Variants in MYO1F observed in about 807,000 individuals in gnomAD.
The protein encoded by MYO1F is unconventional myosin-If.
Under a neutral mutation model 146.6 loss-of-function variants are expected in MYO1F, and 60 were observed. That is an observed-to-expected ratio of 0.41 (90% CI 0.33 to 0.51). MYO1F has a LOEUF of 0.51. MYO1F is among the 20% of genes least tolerant of loss of function. The pLI, the probability that MYO1F is intolerant of heterozygous loss-of-function variation, is 0.25. For missense variants in MYO1F, 1,274 were observed against 1,534.3 expected, an observed-to-expected ratio of 0.83 and a Z score of 2.83; for synonymous variants, 602 against 602.1, an observed-to-expected ratio of 1.00 and a Z score of 0.00.
At chr19:8,561,380 T>TC (rs1568368632) in intron 1 of MYO1F, among the ~76,000 whole-genome samples, 1 of 70,396 alleles carries the variant, frequency 1.4e-5, no homozygotes, top group African/African-American at 5.5e-5. Context: ...CTCCCTCCCT[T>TC]CCCCCCTTCT....
chr19:8,524,317 G>A (rs1191579468), intron 25 of MYO1F, among the ~76,000 whole-genome samples: 1 of 150,660 alleles, frequency 6.6e-6, no homozygotes, highest in Non-Finnish European at 1.5e-5. Context: ...TGGGGAGGCT[G>A]AGGCAGGAGA....
intron 14 of MYO1F, chr19:8,544,024 C>CGGTGGT: frequency 3.5e-6 from 1 of 285,032 alleles, no homozygotes; most frequent in Non-Finnish European, 6.0e-6. Context: ...GTGGCGGTGG[C>CGGTGGT]GGTGGCGGTG....
intron 4 of MYO1F, among the ~76,000 whole-genome samples, chr19:8,554,039 G>A (rs1973739838): frequency 1.3e-5 from 2 of 151,834 alleles, no homozygotes; most frequent in South Asian, 2.1e-4. Flanking sequence ...ACCTGTTCCT[G>A]CCTGGAACTC....
Position 8,553,894 on chromosome 19 carries a change from A to ACACACACACTCT in MYO1F, c.327-458_327-457insAGAGTGTGTGTG. Among the ~76,000 whole-genome samples, 196 of 102,662 alleles carry ACACACACACTCT rather than the reference A, an allele frequency of 1.9e-3. 1 individual carries two copies. Among genetic ancestry groups the ACACACACACTCT allele is most frequent in the Middle Eastern group, 9.3e-3 (2 of 214 alleles). The allele number at this position is 102,662 out of a possible 152,430, so 67.4% of individuals were successfully genotyped here. On this transcript the variant is annotated intron_variant, in intron 4 of 27. Coordinates refer to ENST00000644032, the MANE Select transcript of MYO1F (RefSeq NM_012335.4). ...CACACACACACACACACACACACAC[A>ACACACACACTCT]CTCTCTCTCTCTCTCTCTCTCTCTC...
chr19:8,559,909 C>A (rs1330879584), intron 1 of MYO1F, among the ~76,000 whole-genome samples: 5 of 143,510 alleles, frequency 3.5e-5, no homozygotes, highest in African/African-American at 1.3e-4. Flanking sequence ...CAGATTGTGC[C>A]ATTGCACTCC....
chr19:8,549,940 A>T, intron 10 of MYO1F: 7 of 617,880 alleles, frequency 1.1e-5, no homozygotes, highest in East Asian at 5.6e-5. Flanking sequence ...AGCCAGAACT[A>T]CACATGCACA....
Position 8,577,430 on chromosome 19 carries a change from C to A in MYO1F, c.-121G>T. 8.6e-7 allele frequency: 1 copy of A among 1,162,824 alleles called. No individual in the cohort carries two copies. The highest frequency in any genetic ancestry group is 1.3e-5 in the South Asian group (1 of 78,838). The allele number at this position is 1,162,824 out of a possible 1,614,324, so 72.0% of individuals were successfully genotyped here. On this transcript the variant is annotated 5_prime_UTR_variant, in exon 1 of 28. Coordinates refer to ENST00000644032, the MANE Select transcript of MYO1F (RefSeq NM_012335.4). This position sits in a 1 kb window ranked among gnomAD's most constrained non-coding sequence, Gnocchi z 4.3. ...CCTGCTTCTGCCCGTTCACCGGACTCCCGGCTTTAGTTCCTCTTACAACAG... is the reference window on the plus strand; with the variant it reads ...CCTGCTTCTGCCCGTTCACCGGACTACCGGCTTTAGTTCCTCTTACAACAG...
chr19:8,543,674 G>A (rs1338202884), intron 14 of MYO1F, among the ~76,000 whole-genome samples: 1 of 60,846 alleles, frequency 1.6e-5, no homozygotes, highest in African/African-American at 6.3e-5. Context: ...TGGTGGTGGT[G>A]CTGGTGGTGG....
At chr19:8,542,582 CGTTTTT>C (rs1207969242) in intron 14 of MYO1F, among the ~76,000 whole-genome samples, 3 of 150,564 alleles carry the variant, frequency 2.0e-5, no homozygotes, top group Admixed American at 6.6e-5. Flanking sequence ...GAGCTCCAGC[CGTTTTT>C]GTTTTTGTTT....
At chr19:8,553,890 A>ACTCTCTCTCTCTCTCTCTCTCT (rs750034709) in intron 4 of MYO1F, among the ~76,000 whole-genome samples, 2 of 57,826 alleles carry the variant, frequency 3.5e-5, no homozygotes, top group African/African-American at 5.1e-5. Context: ...ACACACACAC[A>ACTCTCTCTCTCTCTCTCTCTCT]CACACTCTCT....
At chr19:8,555,900 A>G (rs948403551) in intron 1 of MYO1F, 104 bp from the exon 2 acceptor site, 1 of 1,144,356 alleles carries the variant, frequency 8.7e-7, no homozygotes, top group Non-Finnish European at 1.2e-6. Context: ...CCCCCGCCCC[A>G]CCTCCATTCC....
chr19:8,527,292 G>T, intron 22 of MYO1F, 46 bp downstream of exon 22: 2 of 1,613,150 alleles, frequency 1.2e-6, no homozygotes, highest in Middle Eastern at 1.7e-4. Context: ...GGGCAGCCAG[G>T]GGACAGGTGA....
chr19:8,527,366 T>G lies in MYO1F; in HGVS notation c.2446A>C (p.Ile816Leu). 3.1e-6 allele frequency: 5 copies of G among 1,614,090 alleles called. No homozygotes were observed. The African/African-American group carries it at 4.0e-5, about 13-fold the overall frequency. ...VCEVLKKKVDIQALRGVSLST... is the reference protein window; with the variant it reads ...VCEVLKKKVDLQALRGVSLST... ...AGGGAGACTCCCCGCAGAGCCTGGA[T>G]GTCCACTTTCTTCTTCAAGACTTCA... The change falls in exon 22 of 28, where the codon ATC (isoleucine) becomes CTC (leucine). Residue 816 changes from isoleucine (I) to leucine (L), a missense_variant. This residue lies in a region of MYO1F where 900 missense variants were observed against 1,155.1 expected (regional missense o/e 0.78). Coordinates refer to ENST00000644032, the MANE Select transcript of MYO1F (RefSeq NM_012335.4).
rs934311439 is a variant in MYO1F, at chr19:8,577,255, G to T, written c.3+52C>A. 3.7e-6 allele frequency: 6 copies of T among 1,605,728 alleles called. No individual in the cohort carries two copies. The highest frequency in any genetic ancestry group is 1.7e-4 in the Middle Eastern group (1 of 6,056). On this transcript the variant is annotated intron_variant, in intron 1 of 27. Coordinates refer to ENST00000644032, the MANE Select transcript of MYO1F (RefSeq NM_012335.4). This position sits in a 1 kb window ranked among gnomAD's most constrained non-coding sequence, Gnocchi z 4.3. The stretch of plus-strand genomic sequence containing the variant: ...GGTCATTTTTAGGACACCTCCACCT[G>T]GCTGGTGTCCCTCCTCTTTCTTCTT...
chr19:8,555,936 G>A, intron 1 of MYO1F, 140 bp from the exon 2 acceptor site: 2 of 925,188 alleles, frequency 2.2e-6, no homozygotes, highest in South Asian at 1.7e-5. Flanking sequence ...AGGAGAGGCT[G>A]GCAGGGTCCA....
chr19:8,543,744 CTGGTGG>C lies in MYO1F; in HGVS notation c.1524+547_1524+552del, dbSNP rs1282435228. 1.2e-3 allele frequency among the ~76,000 whole-genome samples: 12 copies of C among 9,830 alleles called. 1 individual carries two copies. In the South Asian group the frequency reaches 0.016, roughly 13 times the overall value. 6.4% of individuals were successfully genotyped at this position (9,830 alleles called of 152,430 possible). A position where few individuals can be genotyped will look rare whatever the true frequency, so the allele number is the denominator to read the frequency against. On this transcript the variant is annotated intron_variant, in intron 14 of 27. Coordinates refer to ENST00000644032, the MANE Select transcript of MYO1F (RefSeq NM_012335.4). Reference sequence around the variant, plus strand: ...GGTGGTGCTGGTGGTGCTGGTGGTGCTGGTGGTGGTGGTGGTGGTGGTGCTGGTGGT... The same window carrying C: ...GGTGGTGCTGGTGGTGCTGGTGGTGCTGGTGGTGGTGGTGGTGCTGGTGGT...
At chr19:8,553,286 G>C in intron 5 of MYO1F, 58 bp from the exon 6 acceptor site, 1 of 1,598,920 alleles carries the variant, frequency 6.3e-7, no homozygotes, top group South Asian at 1.1e-5. Context: ...GTGCAGATGG[G>C]TGGGGCTGCA....
intron 1 of MYO1F, among the ~76,000 whole-genome samples, chr19:8,568,918 C>G (rs1358221475): frequency 6.6e-6 from 1 of 152,056 alleles, no homozygotes; most frequent in Non-Finnish European, 1.5e-5. Context: ...GAGACTCCAT[C>G]TCAACAACAA....
At chr19:8,560,777 C>T (rs1342192385) in intron 1 of MYO1F, among the ~76,000 whole-genome samples, 16 of 137,334 alleles carry the variant, frequency 1.2e-4, no homozygotes, top group African/African-American at 2.7e-4. Context: ...CTTGCTCTGT[C>T]GCCCAGGCTG....
Sources: gnomAD v4.1 joint callset for allele counts (sites outside exome capture counted in the v4.1 genomes callset) on GRCh38, gnomAD v4.1.1 for gene constraint, gnomAD v4.1.1 regional missense constraint, Gnocchi (gnomAD v3.1) non-coding constraint, MANE v1.5 for transcripts, NCBI Gene and HGNC (gene_info 2026-07-23, HGNC 2026-07-21) for gene names.